RFX3: variants seen among roughly 807,000 people sequenced by gnomAD.
RFX3 encodes transcription factor RFX3.
RFX3 carries 14 observed loss-of-function variants against 98.6 expected under a neutral mutation model. That is an observed-to-expected ratio of 0.14 (90% CI 0.09 to 0.22). RFX3 has a LOEUF of 0.22. RFX3 is among the 10% of genes least tolerant of loss of function. The probability of loss-of-function intolerance (pLI) is 1.00; values close to 1 mark genes in which losing one functional copy is unlikely to be tolerated. For missense variants in RFX3, 639 were observed against 926.9 expected (o/e 0.69, Z 4.03); for synonymous variants, 383 against 328.4 (o/e 1.17, Z -1.80).
intron 3 of RFX3, among the ~76,000 whole-genome samples, chr9:3,338,749 A>G (rs10971465): frequency 0.052 from 7,959 of 152,242 alleles, 406 homozygotes; most frequent in African/African-American, 0.14. Context: ...TGATACTACA[A>G]TTATGAAACC....
chr9:3,502,300 C>T (rs1347563151), intron 1 of RFX3, among the ~76,000 whole-genome samples: 2 of 151,786 alleles, frequency 1.3e-5, no homozygotes, highest in African/African-American at 4.8e-5. Flanking sequence ...TAACTACTAC[C>T]ATTCACCTTT....
At chr9:3,483,099 A>C (rs1440584722) in intron 1 of RFX3, among the ~76,000 whole-genome samples, 1 of 152,168 alleles carries the variant, frequency 6.6e-6, no homozygotes, top group Non-Finnish European at 1.5e-5. Flanking sequence ...ACTTAAAATC[A>C]ATTATTCCAC....
At chr9:3,306,747 T>C (rs1442080993) in intron 4 of RFX3, among the ~76,000 whole-genome samples, 1 of 151,402 alleles carries the variant, frequency 6.6e-6, no homozygotes, top group Non-Finnish European at 1.5e-5. Flanking sequence ...ACTTAAAGTA[T>C]AATAATAATT....
intron 1 of RFX3, among the ~76,000 whole-genome samples, chr9:3,449,093 T>C (rs1186610489): frequency 6.6e-6 from 1 of 152,144 alleles, no homozygotes; most frequent in Non-Finnish European, 1.5e-5. Flanking sequence ...CTGTACCTCA[T>C]TTTTTCCATC....
At chr9:3,327,554 A>C (rs927229520) in intron 4 of RFX3, among the ~76,000 whole-genome samples, 10 of 152,212 alleles carry the variant, frequency 6.6e-5, no homozygotes, top group African/African-American at 1.2e-4. Context: ...TACAAAAGTT[A>C]CTTTTTTTTT....
chr9:3,410,702 C>CA (rs1451528331), intron 1 of RFX3, among the ~76,000 whole-genome samples: 1 of 152,226 alleles, frequency 6.6e-6, no homozygotes, highest in Non-Finnish European at 1.5e-5. Context: ...GGCAGGTTTA[C>CA]AAGCTTTCCA....
intron 2 of RFX3, among the ~76,000 whole-genome samples, chr9:3,352,638 G>A (rs1328778260): frequency 2.6e-5 from 4 of 151,954 alleles, no homozygotes; most frequent in Non-Finnish European, 4.4e-5. Context: ...TAAATACTAC[G>A]GGAAATGCCC....
intron 14 of RFX3, among the ~76,000 whole-genome samples, chr9:3,255,192 G>A (rs1475900211): frequency 6.6e-6 from 1 of 152,108 alleles, no homozygotes; most frequent in Non-Finnish European, 1.5e-5. Flanking sequence ...AGTTGAGAAA[G>A]AAAAAAGTCA....
At chr9:3,525,120 C>T (rs1011578263) in intron 1 of RFX3, among the ~76,000 whole-genome samples, 1 of 151,854 alleles carries the variant, frequency 6.6e-6, no homozygotes, top group Non-Finnish European at 1.5e-5. Flanking sequence ...AAGAGCAGCC[C>T]ATTCAGCACC....
intron 13 of RFX3, 57 bp from the exon 14 acceptor site, chr9:3,257,256 A>C: frequency 7.1e-7 from 1 of 1,409,260 alleles, no homozygotes; most frequent in Non-Finnish European, 1.0e-6. Context: ...CTTTCATTGA[A>C]TGCCAGCACA....
intron 9 of RFX3, among the ~76,000 whole-genome samples, chr9:3,273,773 G>A (rs1379669762): frequency 1.3e-5 from 2 of 151,530 alleles, no homozygotes; most frequent in African/African-American, 2.4e-5. Context: ...GCTGAGGCAG[G>A]AGAATCGCTT....
chr9:3,308,506 G>A (rs1261642104), intron 4 of RFX3, among the ~76,000 whole-genome samples: 2 of 152,162 alleles, frequency 1.3e-5, no homozygotes, highest in East Asian at 3.9e-4. Context: ...TGGTCTCAAA[G>A]CCTGGCAAAG....
At chr9:3,370,065 T>A (rs1032886949) in intron 2 of RFX3, among the ~76,000 whole-genome samples, 14 of 148,962 alleles carry the variant, frequency 9.4e-5, no homozygotes, top group Admixed American at 6.7e-4. Flanking sequence ...ATGGTCTCGA[T>A]CTCCTGACCT....
In RFX3 at chr9:3,222,996, A is replaced by C. The variant is rs1306244845; in HGVS notation, c.*2046T>G. On this transcript the variant is annotated 3_prime_UTR_variant, in exon 17 of 17. Transcript: ENST00000617270. ...AATTAAGCAACAACAGCTTAAATACACTGTGTATTACCCGATAAGCCATTT... is the reference window on the plus strand; with the variant it reads ...AATTAAGCAACAACAGCTTAAATACCCTGTGTATTACCCGATAAGCCATTT... 6.6e-6 allele frequency: 1 copy of C among 152,154 alleles called. No individual in the cohort carries two copies. 9.4% of individuals were successfully genotyped at this position (152,154 alleles called of 1,614,324 possible). A position where few individuals can be genotyped will look rare whatever the true frequency, so the allele number is the denominator to read the frequency against.
intron 2 of RFX3, among the ~76,000 whole-genome samples, chr9:3,348,094 T>A (rs900525498): frequency 1.3e-5 from 2 of 152,326 alleles, no homozygotes; most frequent in African/African-American, 4.8e-5. Flanking sequence ...TCTTTGAATC[T>A]CCAAGTTCCC....
At chr9:3,508,510 G>T (rs150461447) in intron 1 of RFX3, among the ~76,000 whole-genome samples, 1,594 of 151,814 alleles carry the variant, frequency 0.01, 12 homozygotes, top group Non-Finnish European at 0.017. Context: ...CTGAAACAGC[G>T]GCATTAAATT....
chr9:3,236,404 CAGAGCAGTCCTA>C (rs2130789798), intron 15 of RFX3, among the ~76,000 whole-genome samples: 1 of 152,290 alleles, frequency 6.6e-6, no homozygotes, highest in South Asian at 2.1e-4. Context: ...ATAGGAGGGA[CAGAGCAGTCCTA>C]AGCTCCATAT....
In RFX3 at chr9:3,320,768, C is replaced by CATAT. The variant is rs34990458; in HGVS notation, c.474+9487_474+9490dup. Among the ~76,000 whole-genome samples the CATAT allele has an allele frequency of 3.6e-3, 307 of 85,806 alleles. 2 individuals are homozygous for CATAT. Among genetic ancestry groups the CATAT allele is most frequent in the Non-Finnish European group, 4.9e-3 (204 of 41,700 alleles). The allele number at this position is 85,806 out of a possible 152,430, so 56.3% of individuals were successfully genotyped here. A position where few individuals can be genotyped will look rare whatever the true frequency, so the allele number is the denominator to read the frequency against. ...TATACATATAATGCATGCTACATAG[C>CATAT]ATATATATATATATATATATATATA... is the stretch of plus-strand genomic sequence containing the variant. On this transcript the variant is annotated intron_variant, in intron 4 of 16. Transcript: ENST00000617270.
chr9:3,289,343 C>A (rs1243756109), intron 6 of RFX3, among the ~76,000 whole-genome samples: 11 of 152,030 alleles, frequency 7.2e-5, no homozygotes, highest in Admixed American at 7.2e-4. Context: ...TGCAGGGCAT[C>A]CAAATACCTA....
Sources: allele counts gnomAD v4.1 joint callset (sites outside exome capture counted in the v4.1 genomes callset), GRCh38; gene constraint gnomAD v4.1.1; transcripts MANE v1.5; gene names NCBI Gene and HGNC (gene_info 2026-07-23, HGNC 2026-07-21).